LARGE1: variants seen among roughly 807,000 people sequenced by gnomAD.
The protein encoded by LARGE1 is xylosyl- and glucuronyltransferase LARGE1.
In LARGE1, 43 loss-of-function variants were observed where a neutral mutation model predicts 87.6. The observed-to-expected ratio is 0.49, with a 90% CI of 0.38 to 0.63. LARGE1 has a LOEUF of 0.63. Among genes scored for constraint, LARGE1 ranks in the 30% least tolerant of loss-of-function variants. The pLI, the probability that LARGE1 is intolerant of heterozygous loss-of-function variation, is 0.00. For missense variants in LARGE1, 802 were observed against 1,000.2 expected (o/e 0.80, Z 2.67); for synonymous variants, 434 against 394.6 (o/e 1.10, Z -1.18).
chr22:33,354,994 A>T (rs187548402), intron 9 of LARGE1, among the ~76,000 whole-genome samples: 1,763 of 152,342 alleles, frequency 0.012, 34 homozygotes, highest in African/African-American at 0.035. Context: ...TTACTCAAAC[A>T]TATAATAAAA....
At chr22:33,864,425 A>G (rs1320533616) in intron 1 of LARGE1, among the ~76,000 whole-genome samples, 1 of 152,242 alleles carries the variant, frequency 6.6e-6, no homozygotes, top group Non-Finnish European at 1.5e-5. Flanking sequence ...TAAGAAACCA[A>G]TGCTGGCTTC....
the LARGE1 span, among the ~76,000 whole-genome samples, chr22:33,089,862 T>A: frequency 6.0e-4 from 91 of 152,268 alleles, no homozygotes; most frequent in African/African-American, 2.1e-3. Context: ...GAGAATGAAA[T>A]GAAGTCTCAT....
At chr22:33,466,788 C>T (rs573158976) in intron 6 of LARGE1, among the ~76,000 whole-genome samples, 34 of 152,156 alleles carry the variant, frequency 2.2e-4, no homozygotes, top group African/African-American at 7.5e-4. Context: ...CCTGTAACCC[C>T]AGCACTTTGG....
intron 6 of LARGE1, among the ~76,000 whole-genome samples, chr22:33,443,567 C>A (rs2067572301): frequency 6.6e-6 from 1 of 152,080 alleles, no homozygotes. Flanking sequence ...ACCCAGGGCA[C>A]CTCGGGAGCA....
chr22:33,120,383 TTTCTTTCTTTCTTTCTTTCTTTCTTTCC>T, the LARGE1 span, among the ~76,000 whole-genome samples: 1 of 95,654 alleles, frequency 1.0e-5, no homozygotes, highest in African/African-American at 6.5e-5. Context: ...TCTTTCTTTC[TTTCTTTCTTTCTTTCTTTCTTTCTTTCC>T]TTCTTTCTTT....
At position 33,662,831 on chromosome 22, in the gene LARGE1, AT is replaced by A. The variant is rs573346714; in HGVS notation, c.107-12164del. Among the ~76,000 whole-genome samples, 332 of 152,286 alleles carry A rather than the reference AT, an allele frequency of 2.2e-3. 1 individual carries two copies. Among genetic ancestry groups the A allele is most frequent in the African/African-American group, 7.7e-3 (320 of 41,556 alleles). ...ATGCCACTTCACCTAAATCAGTGTT[AT>A]CTTCCTCAGCTCCATTGTAAATTAA... is the stretch of plus-strand genomic sequence containing the variant. On this transcript the variant is annotated intron_variant, in intron 2 of 14. Transcript: ENST00000397394.
Position 33,279,700 on chromosome 22 carries a change from TGGAGTG to T in LARGE1, c.1878-2451_1878-2446del, listed in dbSNP as rs536314682. 2.4e-3 allele frequency among the ~76,000 whole-genome samples: 367 copies of T among 152,334 alleles called. 3 individuals carry two copies. Among genetic ancestry groups the T allele is most frequent in the African/African-American group, 8.3e-3 (347 of 41,582 alleles). Reference sequence around the variant, plus strand: ...GAAAGGTGAAGCAATGCCATTTTCATGGAGTGTGGAAAAGGGATATTGCGGGAGATG... The same window carrying T: ...GAAAGGTGAAGCAATGCCATTTTCATTGGAAAAGGGATATTGCGGGAGATG... On this transcript the variant is annotated intron_variant, in intron 13 of 14. Transcript: ENST00000397394.
chr22:33,511,479 C>T (rs2071053349), intron 6 of LARGE1, among the ~76,000 whole-genome samples: 1 of 152,076 alleles, frequency 6.6e-6, no homozygotes, highest in Non-Finnish European at 1.5e-5. Flanking sequence ...ATCATAGTTC[C>T]CAAATATTCC....
intron 12 of LARGE1, among the ~76,000 whole-genome samples, chr22:33,286,848 C>G (rs1217873871): frequency 6.6e-6 from 1 of 152,154 alleles, no homozygotes; most frequent in African/African-American, 2.4e-5. Flanking sequence ...AGATTAATTC[C>G]TGCTAGAAAA....
intron 4 of LARGE1, among the ~76,000 whole-genome samples, chr22:33,616,682 C>T (rs1214333727): frequency 6.6e-6 from 1 of 151,996 alleles, no homozygotes; most frequent in African/African-American, 2.4e-5. Context: ...TGAACTTTGA[C>T]AACATTCTGC....
intron 1 of LARGE1, among the ~76,000 whole-genome samples, chr22:33,801,122 T>C (rs552094383): frequency 9.1e-4 from 139 of 152,234 alleles, no homozygotes; most frequent in South Asian, 4.0e-3. Flanking sequence ...CTTCCTCATT[T>C]CTCTCTTGCC....
At chr22:33,268,261 G>C (rs1928058058), downstream of LARGE1, among the ~76,000 whole-genome samples, 1 of 148,934 alleles carries the variant, frequency 6.7e-6, no homozygotes, top group Admixed American at 6.7e-5. Flanking sequence ...GCCCGCAAAA[G>C]TCAAAAATTC....
intron 11 of LARGE1, among the ~76,000 whole-genome samples, chr22:33,225,927 T>C (rs1054490933): frequency 6.6e-6 from 1 of 152,224 alleles, no homozygotes; most frequent in African/African-American, 2.4e-5. Flanking sequence ...TTCTATGGTG[T>C]ATATGTACCA....
the LARGE1 span, among the ~76,000 whole-genome samples, chr22:33,153,082 C>A: frequency 6.6e-6 from 1 of 152,056 alleles, no homozygotes; most frequent in East Asian, 1.9e-4. Flanking sequence ...TTTTATTTTC[C>A]GTATTTATCA....
rs536696487 is a variant in LARGE1 at position 33,739,325 on chromosome 22, G to C, written c.106+22046C>G. ...GAACTCTCGAGCCTCCCTGTCTCCT[G>C]TTCCTGCCCCTGGGCATCTGACATC... On this transcript the variant is annotated intron_variant, in intron 2 of 14. Transcript: ENST00000397394. 9.2e-5 allele frequency among the ~76,000 whole-genome samples: 14 copies of C among 152,238 alleles called. 1 individual carries two copies. Among genetic ancestry groups the C allele is most frequent in the African/African-American group, 3.4e-4 (14 of 41,554 alleles).
At chr22:33,787,970 G>A (rs1473315407) in intron 1 of LARGE1, among the ~76,000 whole-genome samples, 10 of 152,150 alleles carry the variant, frequency 6.6e-5, no homozygotes, top group Admixed American at 5.9e-4. Context: ...CACTATAAAG[G>A]GATATGAGGA....
chr22:33,668,644 G>A (rs2081328476), intron 2 of LARGE1, among the ~76,000 whole-genome samples: 1 of 152,278 alleles, frequency 6.6e-6, no homozygotes, highest in African/African-American at 2.4e-5. Context: ...GATCACTCAT[G>A]TCCATTGATG....
At chr22:33,235,396 G>C (rs550901981) in intron 11 of LARGE1, among the ~76,000 whole-genome samples, 1 of 152,334 alleles carries the variant, frequency 6.6e-6, no homozygotes, top group East Asian at 1.9e-4. Flanking sequence ...CTGTCCATGT[G>C]AATGCTTGAG....
At chr22:33,293,639 C>T (rs1338212847) in intron 12 of LARGE1, among the ~76,000 whole-genome samples, 2 of 152,176 alleles carry the variant, frequency 1.3e-5, no homozygotes, top group African/African-American at 2.4e-5. Context: ...AGGGAGAAGG[C>T]AGGAGGCTAC....
Sources: gnomAD v4.1 joint callset for allele counts (sites outside exome capture counted in the v4.1 genomes callset) on GRCh38, gnomAD v4.1.1 for gene constraint, MANE v1.5 for transcripts, NCBI Gene and HGNC (gene_info 2026-07-23, HGNC 2026-07-21) for gene names.